CASP6: variants seen among roughly 807,000 people sequenced by gnomAD.
The protein encoded by CASP6 is caspase 6, also known as caspase-6.
CASP6 carries 20 observed loss-of-function variants against 31.8 expected under a neutral mutation model. That is an observed-to-expected ratio of 0.63 (90% CI 0.44 to 0.91). The LOEUF is 0.91. Among genes scored for constraint, CASP6 ranks in the 40% least tolerant of loss-of-function variants. The pLI is 0.00. For synonymous variants in CASP6, 130 were observed against 127.8 expected (o/e 1.02, Z -0.12); for missense variants, 328 against 361.1 (o/e 0.91, Z 0.74).
At chr4:109,703,694 G>A, upstream of CASP6, 1 of 486,328 alleles carries the variant, frequency 2.1e-6, no homozygotes, top group Non-Finnish European at 3.6e-6. Flanking sequence ...GGACATGCCA[G>A]TTGCCACCCG....
chr4:109,677,340 A>G, the CASP6 span, among the ~76,000 whole-genome samples: 2 of 152,312 alleles, frequency 1.3e-5, no homozygotes, highest in Non-Finnish European at 2.9e-5. Context: ...AGGATGAATC[A>G]TGCCTAGATT....
the CASP6 span, among the ~76,000 whole-genome samples, chr4:109,678,072 G>T: frequency 6.6e-6 from 1 of 151,814 alleles, no homozygotes; most frequent in Non-Finnish European, 1.5e-5. Context: ...ATCTTGCACC[G>T]CCCTTAATCC....
rs1365832279 is a variant in CASP6, at chr4:109,689,414, G to C, written c.798C>G (p.Asp266Glu). 6.2e-7 allele frequency: 1 copy of C among 1,614,158 alleles called. No homozygotes were observed. Among genetic ancestry groups the C allele is most frequent in the African/African-American group, 1.3e-5 (1 of 75,022 alleles). ...VSQRRVDFCKDPSAIGKKQVP... is the reference protein window; with the variant it reads ...VSQRRVDFCKEPSAIGKKQVP... ...CCTGCTTCTTTCCAATTGCACTTGG[G>C]TCTTTGCAAAAGTCCACTCGGCGCT... Residue 266 changes from aspartate to glutamate, a missense_variant, in exon 7 of 7, where the codon GAC becomes GAG. Physicochemically the swap from Asp to Glu is conservative, Grantham distance 45. Coordinates refer to ENST00000265164, the MANE Select transcript of CASP6 (RefSeq NM_001226.4).
the CASP6 span, chr4:109,674,174 A>G: frequency 1.1e-6 from 1 of 882,522 alleles, no homozygotes; most frequent in Non-Finnish European, 1.9e-6. Context: ...TAGACGTCTC[A>G]TTATTGAAGT....
At chr4:109,680,181 GA>G in the CASP6 span, among the ~76,000 whole-genome samples, 1 of 152,140 alleles carries the variant, frequency 6.6e-6, no homozygotes, top group African/African-American at 2.4e-5. Context: ...AACGTTCAAG[GA>G]CATAACTCTG....
chr4:109,706,131 TTATATATATATATATATA>T (rs58847180), upstream of CASP6, among the ~76,000 whole-genome samples: 64 of 36,096 alleles, frequency 1.8e-3, 4 homozygotes, highest in Middle Eastern at 0.012. Flanking sequence ...CCTATCCATT[TTATATATATATATATATA>T]TATATATATA....
chr4:109,679,464 G>A, the CASP6 span, among the ~76,000 whole-genome samples: 1 of 152,148 alleles, frequency 6.6e-6, no homozygotes. Flanking sequence ...CGGTCAACAC[G>A]GCGAAACCCC....
chr4:109,706,678 C>A (rs1730627379), upstream of CASP6, among the ~76,000 whole-genome samples: 1 of 152,114 alleles, frequency 6.6e-6, no homozygotes, highest in South Asian at 2.1e-4. Context: ...TGCCTGTAAT[C>A]CCAGGACTTT....
At chr4:109,702,862 G>T (rs897215937) in intron 1 of CASP6, 2 of 153,846 alleles carry the variant, frequency 1.3e-5, no homozygotes, top group African/African-American at 2.4e-5. Context: ...GAGGACCCAG[G>T]GTCTTGGCCC....
At chr4:109,668,273 T>A in the CASP6 span, among the ~76,000 whole-genome samples, 1 of 152,120 alleles carries the variant, frequency 6.6e-6, no homozygotes, top group Admixed American at 6.5e-5. Context: ...CTATTTCTTC[T>A]TGTAGTTCTA....
At chr4:109,706,031 T>TATATAA (rs1292562229), upstream of CASP6, among the ~76,000 whole-genome samples, 84 of 82,432 alleles carry the variant, frequency 1.0e-3, 1 homozygote, top group African/African-American at 4.8e-3. Context: ...TATATATATA[T>TATATAA]AATATATATA....
chr4:109,690,999 C>T lies in CASP6; in HGVS notation c.494G>A (p.Gly165Glu), dbSNP rs750146259. 1.2e-6 allele frequency: 2 copies of T among 1,610,402 alleles called. No homozygotes were observed. The highest frequency in any genetic ancestry group is 8.5e-7 in the Non-Finnish European group (1 of 1,178,424). ...PKIFIIQACRGNQHDVPVIPL... is the reference protein window; with the variant it reads ...PKIFIIQACRENQHDVPVIPL... ...AATGACTGGCACATCGTGCTGGTTT[C>T]CCCGACATGCCTACAAGACAAGGAG... Residue 165 changes from glycine (G) to glutamate (E), a missense_variant, in exon 6 of 7, where the codon GGA becomes GAA. By Grantham distance (98) the Gly-to-Glu change is moderately conservative. Transcript: ENST00000265164.
At chr4:109,706,033 A>T (rs866854145), upstream of CASP6, among the ~76,000 whole-genome samples, 4 of 91,572 alleles carry the variant, frequency 4.4e-5, no homozygotes, top group African/African-American at 1.9e-4. Context: ...TATATATATA[A>T]TATATATAAA....
At chr4:109,698,467 C>A in intron 1 of CASP6, 125 bp from the exon 2 acceptor site, 1 of 686,604 alleles carries the variant, frequency 1.5e-6, no homozygotes, top group Non-Finnish European at 2.3e-6. Context: ...AGTTTAAAAG[C>A]CAAAGTATGT....
chr4:109,688,290 G>A (rs569058544), downstream of CASP6: 65 of 152,318 alleles, frequency 4.3e-4, no homozygotes, highest in African/African-American at 1.3e-3. Context: ...ATTGAACCTT[G>A]AAAGTAACAT....
chr4:109,700,582 A>AT (rs201776441), intron 1 of CASP6, among the ~76,000 whole-genome samples: 73 of 150,224 alleles, frequency 4.9e-4, no homozygotes, highest in Non-Finnish European at 8.2e-4. Flanking sequence ...TCAGTGAGGG[A>AT]TTTTTTTTTT....
upstream of CASP6, among the ~76,000 whole-genome samples, chr4:109,705,034 C>T (rs573514483): frequency 5.3e-5 from 8 of 152,220 alleles, no homozygotes; most frequent in East Asian, 1.9e-4. Context: ...GTATATGAAA[C>T]GGCCTTCTAT....
Position 109,694,575 on chromosome 4 carries a change from C to A in CASP6, c.433G>T (p.Gly145Ter), listed in dbSNP as rs948789369. ...EIQTLTGLFK[G>*]DKCHSLVGKP... ...CCAACCAGGCTGTGACACTTGTCTC[C>A]TTTGAACAAGCCAGTTAATGTCTGA... The change falls in exon 5 of 7, where the codon GGA becomes TGA. Residue 145 changes from glycine to a stop codon, truncating the protein, a stop_gained. Coordinates refer to ENST00000265164, the MANE Select transcript of CASP6 (RefSeq NM_001226.4). LOFTEE classifies it high-confidence loss of function. 3.1e-6 allele frequency: 5 copies of A among 1,611,172 alleles called. No individual in the cohort carries two copies. Among genetic ancestry groups the A allele is most frequent in the Middle Eastern group, 1.7e-4 (1 of 6,058 alleles).
chr4:109,670,181 C>T, the CASP6 span, among the ~76,000 whole-genome samples: 3 of 152,222 alleles, frequency 2.0e-5, no homozygotes, highest in South Asian at 6.2e-4. Context: ...GGGAAGTGTT[C>T]TGTAGTCCTA....
Sources: gnomAD v4.1 joint callset for allele counts (sites outside exome capture counted in the v4.1 genomes callset) on GRCh38, gnomAD v4.1.1 for gene constraint, MANE v1.5 for transcripts, NCBI Gene and HGNC (gene_info 2026-07-23, HGNC 2026-07-21) for gene names.